GABRB1: variants seen among roughly 807,000 people sequenced by gnomAD.
The protein encoded by GABRB1 is gamma-aminobutyric acid receptor subunit beta-1.
GABRB1 carries 17 observed loss-of-function variants against 51.6 expected under a neutral mutation model. That is an observed-to-expected ratio of 0.33 (90% CI 0.23 to 0.49). GABRB1 has a LOEUF of 0.49. Ranked by LOEUF, GABRB1 falls within the 20% of genes least tolerant of loss-of-function variation. The pLI is 0.99. For synonymous variants in GABRB1, 247 were observed against 218.9 expected, an observed-to-expected ratio of 1.13 and a Z score of -1.14; for missense variants, 410 against 600.6, an observed-to-expected ratio of 0.68 and a Z score of 3.32.
At chr4:47,065,322 A>G (rs1023219960) in intron 3 of GABRB1, among the ~76,000 whole-genome samples, 4 of 152,212 alleles carry the variant, frequency 2.6e-5, no homozygotes, top group Non-Finnish European at 1.5e-5. Flanking sequence ...CCAAATGGGC[A>G]TTGTCTATTT....
At chr4:47,368,127 C>G (rs1035654403) in intron 5 of GABRB1, among the ~76,000 whole-genome samples, 2 of 152,130 alleles carry the variant, frequency 1.3e-5, no homozygotes, top group Non-Finnish European at 2.9e-5. Flanking sequence ...AGACATGAAG[C>G]CCTTGTTTGA....
At chr4:47,067,337 CT>C (rs1727131102) in intron 3 of GABRB1, among the ~76,000 whole-genome samples, 1 of 152,182 alleles carries the variant, frequency 6.6e-6, no homozygotes, top group African/African-American at 2.4e-5. Flanking sequence ...GCATTTGCCC[CT>C]AACAAGAGGG....
chr4:47,050,647 A>C (rs1425462918), intron 3 of GABRB1, among the ~76,000 whole-genome samples: 3 of 152,166 alleles, frequency 2.0e-5, no homozygotes, highest in Non-Finnish European at 1.5e-5. Context: ...GTAGACATTC[A>C]ACACTGTGAG....
At chr4:47,371,894 T>C (rs185532642) in intron 5 of GABRB1, among the ~76,000 whole-genome samples, 4 of 152,310 alleles carry the variant, frequency 2.6e-5, no homozygotes, top group Non-Finnish European at 5.9e-5. Context: ...AGGTTGTCTG[T>C]TTATTCTGTT....
In GABRB1 at chr4:47,310,047, A is replaced by G. The variant is rs184073708; in HGVS notation, c.462-10080A>G. Among the ~76,000 whole-genome samples the G allele has an allele frequency of 1.4e-3, 211 of 152,240 alleles. 1 individual carries two copies. Among genetic ancestry groups the G allele is most frequent in the African/African-American group, 4.9e-3 (202 of 41,574 alleles). On this transcript the variant is annotated intron_variant, in intron 4 of 8. Transcript: ENST00000295454. ...TGCATCATACCTGCATTCATGAATT[A>G]TCATAAACCTAGGTTGAGGCACATT...
intron 4 of GABRB1, among the ~76,000 whole-genome samples, chr4:47,268,265 A>G (rs775161560): frequency 4.6e-5 from 7 of 152,180 alleles, no homozygotes; most frequent in Non-Finnish European, 7.3e-5. Context: ...GAAATAGTAA[A>G]CTCACTCTGG....
chr4:47,315,631 A>G (rs914734300), intron 4 of GABRB1, among the ~76,000 whole-genome samples: 9 of 152,018 alleles, frequency 5.9e-5, no homozygotes, highest in African/African-American at 2.2e-4. Context: ...GAGTCAACCT[A>G]AGTGCCCATT....
At chr4:47,202,302 C>T (rs1719930061) in intron 4 of GABRB1, among the ~76,000 whole-genome samples, 2 of 152,136 alleles carry the variant, frequency 1.3e-5, no homozygotes, top group Admixed American at 1.3e-4. Flanking sequence ...TCACCTTCTG[C>T]CATGATTGTA....
chr4:47,330,240 C>A (rs1725430364), intron 5 of GABRB1, among the ~76,000 whole-genome samples: 1 of 152,150 alleles, frequency 6.6e-6, no homozygotes, highest in Admixed American at 6.6e-5. Context: ...TTTATTCAGT[C>A]TACTGATTTA....
chr4:47,199,559 C>T (rs1036052674), intron 4 of GABRB1, among the ~76,000 whole-genome samples: 2 of 151,992 alleles, frequency 1.3e-5, no homozygotes, highest in African/African-American at 4.8e-5. Flanking sequence ...TTGGCTTGCA[C>T]TGGAAGAGAC....
intron 4 of GABRB1, among the ~76,000 whole-genome samples, chr4:47,215,804 G>A (rs772170267): frequency 6.6e-6 from 1 of 152,030 alleles, no homozygotes; most frequent in African/African-American, 2.4e-5. Context: ...ATGTATAGAT[G>A]CTCAAACACC....
At chr4:47,218,662 C>A (rs954158115) in intron 4 of GABRB1, among the ~76,000 whole-genome samples, 2 of 151,832 alleles carry the variant, frequency 1.3e-5, no homozygotes, top group African/African-American at 4.8e-5. Flanking sequence ...AGATGGCTCA[C>A]TTGTTTTCAT....
chr4:47,037,547 G>GTTGCTTT (rs1236465842), intron 3 of GABRB1, among the ~76,000 whole-genome samples: 4 of 50,404 alleles, frequency 7.9e-5, no homozygotes, highest in African/African-American at 2.3e-4. Flanking sequence ...TGTTGTTGTT[G>GTTGCTTT]TTGTTTTTTG....
At chr4:47,058,277 C>T (rs1337743336) in intron 3 of GABRB1, among the ~76,000 whole-genome samples, 1 of 152,138 alleles carries the variant, frequency 6.6e-6, no homozygotes, top group African/African-American at 2.4e-5. Context: ...TAGAAAGAGG[C>T]AGGTTCATTG....
At chr4:47,232,706 T>C (rs1018622030) in intron 4 of GABRB1, among the ~76,000 whole-genome samples, 2 of 152,180 alleles carry the variant, frequency 1.3e-5, no homozygotes, top group African/African-American at 4.8e-5. Context: ...ACATCAATTC[T>C]GCCTTTCAGA....
At chr4:47,274,707 G>A (rs1398421590) in intron 4 of GABRB1, among the ~76,000 whole-genome samples, 3 of 152,098 alleles carry the variant, frequency 2.0e-5, no homozygotes, top group Non-Finnish European at 2.9e-5. Context: ...CACTTCTGAA[G>A]GACATCTCAA....
chr4:47,279,628 T>C lies in GABRB1; in HGVS notation c.462-40499T>C, dbSNP rs528082865. 3.7e-4 allele frequency among the ~76,000 whole-genome samples: 57 copies of C among 152,270 alleles called. No homozygotes were observed. In the South Asian group the frequency reaches 0.011, roughly 30 times the overall value. ...ATATATTTATAATTGCTATATCTTC[T>C]TGATGAAGTAACCCCTGATTATATA... On this transcript the variant is annotated intron_variant, in intron 4 of 8. Coordinates refer to ENST00000295454, the MANE Select transcript of GABRB1 (RefSeq NM_000812.4).
intron 8 of GABRB1, among the ~76,000 whole-genome samples, chr4:47,408,941 C>T (rs749573000): frequency 3.9e-5 from 6 of 152,108 alleles, no homozygotes; most frequent in Non-Finnish European, 7.4e-5. Flanking sequence ...AAGATAAGTA[C>T]AATTTAGGAA....
intron 3 of GABRB1, among the ~76,000 whole-genome samples, chr4:47,135,099 A>G (rs1040892490): frequency 2.6e-5 from 4 of 152,190 alleles, no homozygotes; most frequent in Admixed American, 2.6e-4. Context: ...CAGTGTGGGC[A>G]ACAGAGCAAG....
Sources: allele counts gnomAD v4.1 joint callset (sites outside exome capture counted in the v4.1 genomes callset), GRCh38; gene constraint gnomAD v4.1.1; transcripts MANE v1.5; gene names NCBI Gene and HGNC (gene_info 2026-07-23, HGNC 2026-07-21).